AR: variants seen among roughly 807,000 people sequenced by gnomAD.
The protein encoded by AR is dihydrotestosterone receptor.
In AR, 8 loss-of-function variants were observed where a neutral mutation model predicts 53.9. The ratio of observed to expected loss-of-function variants is 0.15; its 90% CI spans 0.09 to 0.27. The LOEUF is 0.27. Among genes scored for constraint, AR ranks in the 10% least tolerant of loss-of-function variants. The pLI is 1.00. For synonymous variants in AR, 359 were observed against 316.4 expected, an observed-to-expected ratio of 1.13 and a Z score of -1.43; for missense variants, 639 against 742.5, an observed-to-expected ratio of 0.86 and a Z score of 1.62.
chrX:67,678,082 G>T (rs1404892206), intron 2 of AR, among the ~76,000 whole-genome samples: 1 of 110,304 alleles, frequency 9.1e-6, no homozygotes, highest in African/African-American at 3.3e-5. Flanking sequence ...CTGTAAAATA[G>T]GGGGGTATGA....
In AR at chrX:67,711,516, G is replaced by T. The variant is rs770166641; in HGVS notation, c.2000G>T (p.Gly667Val). The T allele has an allele frequency of 2.5e-6, 3 of 1,209,802 alleles. No homozygotes were observed. Among genetic ancestry groups the T allele is most frequent in the South Asian group, 3.5e-5 (2 of 56,672 alleles). The stretch of plus-strand genomic sequence containing the variant: ...AAGCTGACAGTGTCACACATTGAAG[G>T]CTATGAATGTCAGCCCATCTTTCTG... ...TQKLTVSHIE[G>V]YECQPIFLNV... Residue 667 changes from glycine to valine, a missense_variant, in exon 4 of 8, where the codon GGC (glycine) becomes GTC (valine). By Grantham distance (109) the Gly-to-Val change is moderately radical. This residue lies in a region of AR where 47 missense variants were observed against 35.9 expected (regional missense o/e 1.31). Coordinates refer to ENST00000374690, the MANE Select transcript of AR (RefSeq NM_000044.6).
At chrX:67,657,152 A>T (rs1569296818) in intron 2 of AR, among the ~76,000 whole-genome samples, 2 of 111,231 alleles carry the variant, frequency 1.8e-5, no homozygotes, top group African/African-American at 3.3e-5. Context: ...AATTTATTTC[A>T]TTTTTTATTC....
At chrX:67,613,584 T>C (rs915882163) in intron 1 of AR, among the ~76,000 whole-genome samples, 12 of 111,321 alleles carry the variant, frequency 1.1e-4, no homozygotes, top group Non-Finnish European at 5.7e-5. Flanking sequence ...TGGAAAGTTA[T>C]GCATGTGTGC....
chrX:67,659,588 G>C (rs992072070), intron 2 of AR, among the ~76,000 whole-genome samples: 2 of 111,764 alleles, frequency 1.8e-5, no homozygotes, highest in Non-Finnish European at 3.8e-5. Context: ...TGGTATATAT[G>C]TGCCACATTT....
At chrX:67,675,289 T>TAA in intron 2 of AR, among the ~76,000 whole-genome samples, 1 of 109,687 alleles carries the variant, frequency 9.1e-6, no homozygotes, top group Non-Finnish European at 1.9e-5. Context: ...AGCACTCTCT[T>TAA]GGTCACCCCA....
chrX:67,575,696 T>A (rs147880519), intron 1 of AR, among the ~76,000 whole-genome samples: 1,263 of 111,722 alleles, frequency 0.011, 16 homozygotes, highest in African/African-American at 0.039. Flanking sequence ...TCTCCCTGTA[T>A]ATTGGACATA....
intron 2 of AR, among the ~76,000 whole-genome samples, chrX:67,660,310 T>A (rs1472924298): frequency 2.7e-5 from 3 of 111,826 alleles, no homozygotes; most frequent in African/African-American, 6.5e-5. Context: ...CTGAATGGTA[T>A]TGCGTAGGTT....
At chrX:67,706,353 A>C (rs775037682) in intron 3 of AR, among the ~76,000 whole-genome samples, 1 of 111,795 alleles carries the variant, frequency 8.9e-6, no homozygotes, top group South Asian at 3.7e-4. Context: ...AAGAGATTCA[A>C]CTTCCTCCTA....
intron 2 of AR, among the ~76,000 whole-genome samples, chrX:67,656,972 A>G (rs1926621755): frequency 9.1e-6 from 1 of 110,338 alleles, no homozygotes; most frequent in African/African-American, 3.3e-5. Flanking sequence ...GTCATAAGAG[A>G]TAAGTGGAAA....
intron 4 of AR, among the ~76,000 whole-genome samples, chrX:67,714,593 GA>G (rs201838324): frequency 0.045 from 4,988 of 111,520 alleles, 114 homozygotes; most frequent in Non-Finnish European, 0.063. Context: ...TGCTGCACAT[GA>G]AAAAAATATG....
intron 1 of AR, among the ~76,000 whole-genome samples, chrX:67,611,594 T>C: frequency 1.8e-5 from 2 of 111,938 alleles, no homozygotes; most frequent in East Asian, 5.6e-4. Flanking sequence ...CTTATGACTT[T>C]AGAGTTTGGA....
chrX:67,643,597 T>C (rs1387817119), intron 2 of AR, among the ~76,000 whole-genome samples, 190 bp downstream of exon 2: 3 of 111,861 alleles, frequency 2.7e-5, no homozygotes, highest in African/African-American at 9.7e-5. Flanking sequence ...AGCAGCCTTG[T>C]TTGTACAGGC....
intron 2 of AR, among the ~76,000 whole-genome samples, chrX:67,661,434 AT>A (rs201231472): frequency 0.01 from 1,135 of 111,388 alleles, 36 homozygotes; most frequent in Admixed American, 0.085. Context: ...GCGCTGTTGA[AT>A]TTTGTTAAAG....
chrX:67,708,601 G>T (rs1286647553), intron 3 of AR, among the ~76,000 whole-genome samples: 2 of 111,642 alleles, frequency 1.8e-5, no homozygotes, highest in African/African-American at 6.5e-5. Flanking sequence ...TCCTCCTTTA[G>T]CTTGGAGAAA....
chrX:67,680,183 G>A (rs1168404015), intron 2 of AR, among the ~76,000 whole-genome samples: 1 of 111,586 alleles, frequency 9.0e-6, no homozygotes, highest in Non-Finnish European at 1.9e-5. Flanking sequence ...AATTGGAATG[G>A]CATATTCCAT....
chrX:67,661,486 C>T (rs1926913678), intron 2 of AR, among the ~76,000 whole-genome samples: 1 of 111,387 alleles, frequency 9.0e-6, no homozygotes, highest in African/African-American at 3.3e-5. Flanking sequence ...TGGTTTTTGT[C>T]GTTGGTTCTG....
chrX:67,720,391 A>G (rs778567816), intron 5 of AR, among the ~76,000 whole-genome samples: 1 of 109,048 alleles, frequency 9.2e-6, no homozygotes, highest in Non-Finnish European at 1.9e-5. Context: ...GGCCTGCAGC[A>G]ATGTTAAAGG....
intron 2 of AR, among the ~76,000 whole-genome samples, chrX:67,661,066 A>G (rs1248617777): frequency 8.9e-6 from 1 of 111,747 alleles, no homozygotes; most frequent in Non-Finnish European, 1.9e-5. Flanking sequence ...TTGATTTTGT[A>G]TCCTGAGACT....
intron 2 of AR, among the ~76,000 whole-genome samples, chrX:67,671,071 A>G (rs1470401786): frequency 2.7e-5 from 3 of 112,020 alleles, no homozygotes; most frequent in Non-Finnish European, 5.6e-5. Flanking sequence ...ATACGTGTGC[A>G]TTTGTCTTTA....
Sources: allele counts gnomAD v4.1 joint callset (sites outside exome capture counted in the v4.1 genomes callset), GRCh38; gene constraint gnomAD v4.1.1; regional missense constraint gnomAD v4.1.1; transcripts MANE v1.5; gene names NCBI Gene and HGNC (gene_info 2026-07-23, HGNC 2026-07-21).